The following ZNF704 variants were observed in gnomAD, a reference collection of about 807,000 sequenced individuals.
ZNF704 encodes zinc finger protein 704, also known as glucocorticoid induced gene 1.
A neutral mutation model predicts 44.7 loss-of-function variants in ZNF704; 10 were observed. The observed-to-expected ratio is 0.22, with a 90% confidence interval of 0.14 to 0.38. The LOEUF is 0.38. Among genes scored for constraint, ZNF704 ranks in the 10% least tolerant of loss-of-function variants. The probability of loss-of-function intolerance (pLI) is 1.00; values close to 1 mark genes in which losing one functional copy is unlikely to be tolerated. For missense variants in ZNF704, 390 were observed against 545.5 expected (o/e 0.71, Z 2.84); for synonymous variants, 211 against 207.6 (o/e 1.02, Z -0.14).
intron 2 of ZNF704, among the ~76,000 whole-genome samples, chr8:80,720,776 C>A (rs1819151122): frequency 6.6e-6 from 1 of 152,210 alleles, no homozygotes; most frequent in African/African-American, 2.4e-5. Context: ...GGACCAAAGC[C>A]CCATAGTCAG....
intron 2 of ZNF704, among the ~76,000 whole-genome samples, chr8:80,726,297 G>A (rs1042853819): frequency 1.3e-5 from 2 of 152,008 alleles, no homozygotes; most frequent in African/African-American, 2.4e-5. Flanking sequence ...ATTCAGCTCT[G>A]TAAAAGCAAG....
At chr8:80,657,516 AC>A (rs889633729) in intron 7 of ZNF704, among the ~76,000 whole-genome samples, 2 of 151,848 alleles carry the variant, frequency 1.3e-5, no homozygotes, top group Non-Finnish European at 2.9e-5. Flanking sequence ...AACATGGGAA[AC>A]CCCCGTATCT....
intron 8 of ZNF704, among the ~76,000 whole-genome samples, chr8:80,641,898 A>G (rs1435181865): frequency 6.6e-6 from 1 of 152,094 alleles, no homozygotes; most frequent in Non-Finnish European, 1.5e-5. Flanking sequence ...CAGCCACTAC[A>G]CTCAACTGTT....
chr8:80,879,881 A>C, the ZNF704 span, among the ~76,000 whole-genome samples: 26 of 152,184 alleles, frequency 1.7e-4, no homozygotes, highest in African/African-American at 6.0e-4. Flanking sequence ...TTCATGCAAG[A>C]CCCTTCTGGT....
At chr8:80,782,364 G>C (rs533849802) in intron 2 of ZNF704, among the ~76,000 whole-genome samples, 1 of 152,152 alleles carries the variant, frequency 6.6e-6, no homozygotes, top group Admixed American at 6.5e-5. Flanking sequence ...GAGGAGAGAC[G>C]GCTTTACAAG....
chr8:80,756,020 G>C (rs1172721575), intron 2 of ZNF704, among the ~76,000 whole-genome samples: 2 of 151,790 alleles, frequency 1.3e-5, no homozygotes. Flanking sequence ...GAGAAGGAAG[G>C]ATGGCTTTAG....
At chr8:80,708,059 A>G (rs1457920775) in intron 2 of ZNF704, among the ~76,000 whole-genome samples, 2 of 152,232 alleles carry the variant, frequency 1.3e-5, no homozygotes, top group Admixed American at 1.3e-4. Flanking sequence ...TTACCAATAT[A>G]TGTTTCTGTC....
At chr8:80,833,349 A>C (rs1808501686) in intron 1 of ZNF704, among the ~76,000 whole-genome samples, 1 of 151,968 alleles carries the variant, frequency 6.6e-6, no homozygotes, top group Non-Finnish European at 1.5e-5. Context: ...ACTCCGTCTC[A>C]AAAAAAAGAG....
intron 2 of ZNF704, among the ~76,000 whole-genome samples, chr8:80,819,090 A>G (rs930192581): frequency 6.6e-6 from 1 of 152,154 alleles, no homozygotes; most frequent in Non-Finnish European, 1.5e-5. Flanking sequence ...TACCCCAAAC[A>G]ATGAAGCCTT....
intron 1 of ZNF704, among the ~76,000 whole-genome samples, chr8:80,837,195 C>T (rs1336975938): frequency 6.6e-6 from 1 of 152,012 alleles, no homozygotes; most frequent in African/African-American, 2.4e-5. Flanking sequence ...AAATAGTAAA[C>T]TGGGGGAAAT....
chr8:80,725,118 T>C (rs1806455019), intron 2 of ZNF704, among the ~76,000 whole-genome samples: 2 of 152,212 alleles, frequency 1.3e-5, no homozygotes, highest in East Asian at 1.9e-4. Context: ...GGGAGACACA[T>C]ACATATCACT....
At chr8:80,747,090 A>G (rs1313996230) in intron 2 of ZNF704, among the ~76,000 whole-genome samples, 3 of 152,048 alleles carry the variant, frequency 2.0e-5, no homozygotes, top group Admixed American at 6.6e-5. Context: ...CTCGATCCCA[A>G]TGCTTCTAGC....
rs906579320 is a variant in ZNF704 at position 80,697,164 on chromosome 8, G to A, written c.222-4057C>T. ...CTGGGAGACTACTCAAGGGTCCTAC[G>A]TGAGGGATGTGGTGGAAAAGGAGAG... On this transcript the variant is annotated intron_variant, in intron 2 of 8. Transcript: ENST00000327835. 7.2e-5 allele frequency among the ~76,000 whole-genome samples: 11 copies of A among 152,306 alleles called. No homozygotes were observed. In the East Asian group the frequency reaches 7.7e-4, roughly 11 times the overall value.
At chr8:80,854,412 A>G (rs72671931) in intron 1 of ZNF704, among the ~76,000 whole-genome samples, 3,664 of 152,296 alleles carry the variant, frequency 0.024, 63 homozygotes, top group Middle Eastern at 0.051. Flanking sequence ...GGACTGCTTG[A>G]GCTTGGATCT....
intron 1 of ZNF704, among the ~76,000 whole-genome samples, chr8:80,838,087 C>T (rs1808611724): frequency 6.6e-6 from 1 of 152,182 alleles, no homozygotes; most frequent in African/African-American, 2.4e-5. Context: ...TTAGACTCTA[C>T]TCTGAGCTCC....
chr8:80,729,055 T>C (rs562770780), intron 2 of ZNF704, among the ~76,000 whole-genome samples: 1 of 152,216 alleles, frequency 6.6e-6, no homozygotes, highest in South Asian at 2.1e-4. Context: ...CATCATTCCC[T>C]CCCCTCACTC....
At chr8:80,702,839 G>A (rs375177571) in intron 2 of ZNF704, among the ~76,000 whole-genome samples, 185 of 152,220 alleles carry the variant, frequency 1.2e-3, no homozygotes, top group African/African-American at 4.3e-3. Flanking sequence ...GATCGGAAAT[G>A]GCGAGGCTGA....
chr8:80,675,232 C>T (rs543115412), intron 4 of ZNF704, among the ~76,000 whole-genome samples: 121 of 152,202 alleles, frequency 7.9e-4, no homozygotes, highest in Non-Finnish European at 1.4e-3. Flanking sequence ...CCAGGCATAG[C>T]GAAGAGTTAA....
intron 7 of ZNF704, 80 bp downstream of exon 7, chr8:80,659,505 C>T (rs1818065459): frequency 1.8e-6 from 2 of 1,099,470 alleles, no homozygotes; most frequent in Non-Finnish European, 2.8e-6. Flanking sequence ...ATTTTTCTTG[C>T]ATGCCTCTAC....
Sources: gnomAD v4.1 joint callset for allele counts (sites outside exome capture counted in the v4.1 genomes callset) on GRCh38, gnomAD v4.1.1 for gene constraint, MANE v1.5 for transcripts, NCBI Gene and HGNC (gene_info 2026-07-23, HGNC 2026-07-21) for gene names.